Variants in ANKRD11 observed in about 807,000 individuals in gnomAD.
The protein encoded by ANKRD11 is ankyrin repeat domain 11.
Under a neutral mutation model 195.7 loss-of-function variants are expected in ANKRD11, and 17 were observed. The observed-to-expected ratio is 0.09, with a 90% CI of 0.06 to 0.13. ANKRD11 has a LOEUF of 0.13. ANKRD11 is among the 10% of genes least tolerant of loss of function. The pLI is 1.00. For synonymous variants in ANKRD11, 1,953 were observed against 1,528.1 expected, an observed-to-expected ratio of 1.28 and a Z score of -6.49; for missense variants, 3,735 against 3,566.1, an observed-to-expected ratio of 1.05 and a Z score of -1.21.
At chr16:89,410,727 G>A (rs900865977) in intron 2 of ANKRD11, among the ~76,000 whole-genome samples, 2 of 152,222 alleles carry the variant, frequency 1.3e-5, no homozygotes. Context: ...AGCTATGAAA[G>A]CATCCTTGGA....
intron 1 of ANKRD11, among the ~76,000 whole-genome samples, chr16:89,473,091 C>G (rs978121316): frequency 6.6e-6 from 1 of 151,840 alleles, no homozygotes; most frequent in African/African-American, 2.4e-5. Context: ...CCCAGGACAG[C>G]TTGGCTTGAG....
rs773056661 is a variant in ANKRD11, at chr16:89,279,330, C to T, written c.7212G>A (p.Thr2404=). Residue 2404 remains threonine (T), a synonymous_variant, in exon 9 of 13, where the codon ACG becomes ACA. Transcript: ENST00000301030. This position sits in a 1 kb window ranked among gnomAD's most constrained non-coding sequence, Gnocchi z 5.6. ...QQLQQQLNTS[T]QQTREVIQQT... ...GCTGGATCACCTCCCGCGTCTGCTG[C>T]GTGGACGTGTTCAGCTGCTGCTGCA... is the stretch of plus-strand genomic sequence containing the variant. 4 of 1,611,552 alleles carry T rather than the reference C, an allele frequency of 2.5e-6. No individual in the cohort carries two copies. Among genetic ancestry groups the T allele is most frequent in the South Asian group, 2.2e-5 (2 of 90,918 alleles).
chr16:89,462,967 C>G (rs989643217), intron 1 of ANKRD11, among the ~76,000 whole-genome samples: 2 of 151,176 alleles, frequency 1.3e-5, no homozygotes, highest in East Asian at 2.0e-4. Flanking sequence ...TCAGCCCCCC[C>G]GCCAGGCCAG....
At chr16:89,477,237 A>G (rs1288089536) in intron 1 of ANKRD11, among the ~76,000 whole-genome samples, 4 of 151,610 alleles carry the variant, frequency 2.6e-5, no homozygotes, top group Non-Finnish European at 5.9e-5. Context: ...CTGGTGCCCA[A>G]GCTGGAGTGC....
chr16:89,286,283 T>A (rs1597469270), intron 7 of ANKRD11, 97 bp from the exon 8 acceptor site: 2 of 1,547,994 alleles, frequency 1.3e-6, no homozygotes, highest in Non-Finnish European at 1.8e-6. Flanking sequence ...AACCCTGGGG[T>A]TCGACCCGAG....
At chr16:89,419,451 TAAA>T (rs772809896) in intron 1 of ANKRD11, among the ~76,000 whole-genome samples, 1 of 132,208 alleles carries the variant, frequency 7.6e-6, no homozygotes, top group African/African-American at 2.8e-5. Flanking sequence ...AAACTCGTCT[TAAA>T]AAAAAAAAAA....
chr16:89,339,332 G>C (rs1052305608), intron 2 of ANKRD11, among the ~76,000 whole-genome samples: 5 of 152,154 alleles, frequency 3.3e-5, no homozygotes, highest in African/African-American at 1.2e-4. Context: ...GAGAGGCCCA[G>C]GTTTGCTTGA....
intron 2 of ANKRD11, chr16:89,360,462 G>A (rs2039681007): frequency 6.6e-6 from 1 of 152,152 alleles, no homozygotes; most frequent in African/African-American, 2.4e-5. Flanking sequence ...GCAAAATTCT[G>A]AGAAACTATA....
intron 7 of ANKRD11, chr16:89,286,891 T>G: frequency 5.4e-6 from 7 of 1,289,150 alleles, no homozygotes; most frequent in Non-Finnish European, 6.1e-6. Context: ...AGTCTGAGAT[T>G]AGCGCATTCA....
At chr16:89,320,766 A>G (rs1408056251) in intron 2 of ANKRD11, among the ~76,000 whole-genome samples, 1 of 152,228 alleles carries the variant, frequency 6.6e-6, no homozygotes, top group Non-Finnish European at 1.5e-5. Context: ...CGGAGTGGAC[A>G]GTGTCTGCGG....
intron 1 of ANKRD11, among the ~76,000 whole-genome samples, chr16:89,475,894 A>C (rs2057241659): frequency 6.6e-6 from 1 of 152,010 alleles, no homozygotes; most frequent in African/African-American, 2.4e-5. Context: ...TACTAAAAAA[A>C]TTTAAAAATT....
chr16:89,472,428 A>T (rs941477865), intron 1 of ANKRD11, among the ~76,000 whole-genome samples: 1 of 152,226 alleles, frequency 6.6e-6, no homozygotes, highest in Non-Finnish European at 1.5e-5. Flanking sequence ...AAACCTAGGA[A>T]TGAAAAGATC....
rs993290174 is a variant in ANKRD11 at position 89,279,662 on chromosome 16, T to C, written c.6880A>G (p.Thr2294Ala). ...GGGGCGGCGGCACGGGAGGCCTCAGTGTCGTCCTCGGGGCCGGCACCGTCT... is the reference window on the plus strand; with the variant it reads ...GGGGCGGCGGCACGGGAGGCCTCAGCGTCGTCCTCGGGGCCGGCACCGTCT... ...AADGAGPEDD[T>A]EASRAAAPAE... is the part of the protein sequence containing the mutation. Residue 2294 changes from threonine (T) to alanine (A), a missense_variant, in exon 9 of 13, where the codon ACT (threonine) becomes GCT (alanine). Physicochemically the swap from Thr to Ala is moderately conservative, Grantham distance 58 (BLOSUM62 0). Coordinates refer to ENST00000301030, the MANE Select transcript of ANKRD11 (RefSeq NM_013275.6). This position sits in a 1 kb window ranked among gnomAD's most constrained non-coding sequence, Gnocchi z 5.6. The C allele has an allele frequency of 6.9e-7, 1 of 1,446,486 alleles. No homozygotes were observed. The allele number at this position is 1,446,486 out of a possible 1,614,324, so 89.6% of individuals were successfully genotyped here.
intron 4 of ANKRD11, among the ~76,000 whole-genome samples, chr16:89,298,617 G>A (rs1046617118): frequency 6.6e-6 from 1 of 152,166 alleles, no homozygotes; most frequent in African/African-American, 2.4e-5. Flanking sequence ...CCATCAAATC[G>A]CTGAGCCTCG....
intron 3 of ANKRD11, among the ~76,000 whole-genome samples, chr16:89,309,702 C>G (rs1718545926): frequency 6.6e-6 from 1 of 152,170 alleles, no homozygotes; most frequent in African/African-American, 2.4e-5. Context: ...TGGGACAGGC[C>G]CTGTTTCGGC....
chr16:89,476,317 A>T (rs918678747), intron 1 of ANKRD11, among the ~76,000 whole-genome samples: 1 of 152,208 alleles, frequency 6.6e-6, no homozygotes, highest in Non-Finnish European at 1.5e-5. Context: ...CGGGATGGTC[A>T]TATGTCCCCT....
intron 2 of ANKRD11, among the ~76,000 whole-genome samples, chr16:89,383,956 G>C (rs1026837759): frequency 4.6e-5 from 7 of 152,224 alleles, no homozygotes; most frequent in Admixed American, 4.6e-4. Flanking sequence ...AAAGCATCTA[G>C]CAAGATAAAG....
At position 89,396,046 on chromosome 16, in the gene ANKRD11, T is replaced by TACTG. The variant is rs567185819; in HGVS notation, c.-60+22234_-60+22237dup. 683 of 152,212 alleles carry TACTG rather than the reference T, an allele frequency of 4.5e-3. 3 individuals are homozygous for TACTG. The highest frequency in any genetic ancestry group is 0.016 in the African/African-American group (671 of 41,532). 9.4% of individuals were successfully genotyped at this position (152,212 alleles called of 1,614,324 possible). On this transcript the variant is annotated intron_variant, in intron 2 of 12. Transcript: ENST00000301030. ...CAAACTCTGGTTGTTCGGACATGAG[T>TACTG]ACTGGCAGATCATTTCTAAAAAATG...
chr16:89,404,963 G>A (rs535598906), intron 2 of ANKRD11, among the ~76,000 whole-genome samples: 1 of 152,182 alleles, frequency 6.6e-6, no homozygotes, highest in Non-Finnish European at 1.5e-5. Flanking sequence ...AATGTAGTTT[G>A]TTGTTTTAAA....
Sources: gnomAD v4.1 joint callset for allele counts (sites outside exome capture counted in the v4.1 genomes callset) on GRCh38, gnomAD v4.1.1 for gene constraint, Gnocchi (gnomAD v3.1) non-coding constraint, MANE v1.5 for transcripts, NCBI Gene and HGNC (gene_info 2026-07-23, HGNC 2026-07-21) for gene names.